The following BBS12 variants were observed in gnomAD, a reference collection of about 807,000 sequenced individuals.
The protein encoded by BBS12 is Bardet-Biedl syndrome 12.
In BBS12, 5 loss-of-function variants were observed where a neutral mutation model predicts 5.6. The ratio of observed to expected loss-of-function variants is 0.89; its 90% CI spans 0.46 to 1.86. The LOEUF (loss-of-function observed/expected upper bound fraction) is 1.86, where lower values mean the gene tolerates loss of function less well. BBS12 is among the 40% of genes most tolerant of loss of function. BBS12 has a pLI of 0.01. For synonymous variants in BBS12, 308 were observed against 306.8 expected, an observed-to-expected ratio of 1.00 and a Z score of -0.04; for missense variants, 748 against 830.4, an observed-to-expected ratio of 0.90 and a Z score of 1.22.
chr4:122,742,612 A>G lies in BBS12; in HGVS notation c.720A>G (p.Thr240=). ...TCCACAGTAGGCATTTTAATAGGAC[A>G]GATAATACTGAAGGGGTAAGCAAAC... ...ILIHSRHFNR[T]DNTEGVSKPD... is the part of the protein sequence containing the mutation. Residue 240 remains threonine (T), a synonymous_variant, in exon 2 of 2, where the codon ACA becomes ACG. Coordinates refer to ENST00000314218, the MANE Select transcript of BBS12 (RefSeq NM_152618.3). 1.9e-6 allele frequency: 3 copies of G among 1,614,244 alleles called. No homozygotes were observed. The highest frequency in any genetic ancestry group is 2.5e-6 in the Non-Finnish European group (3 of 1,180,042).
Position 122,743,715 on chromosome 4 carries a change from ATTACTC to A in BBS12, c.1824_1829del (p.Asn608_Ser610delinsLys), listed in dbSNP as rs753804384. ...TCAACTCTCCTATATAACACTGCCAATTACTCATCAGAATTTGAAGCCAGCACATAC... is the reference window on the plus strand; with the variant it reads ...TCAACTCTCCTATATAACACTGCCAAATCAGAATTTGAAGCCAGCACATAC... On this transcript the variant is annotated inframe_deletion, in exon 2 of 2. Transcript: ENST00000314218. The A allele has an allele frequency of 6.2e-7, 1 of 1,614,218 alleles. No homozygotes were observed. Among genetic ancestry groups the A allele is most frequent in the Admixed American group, 1.7e-5 (1 of 60,022 alleles).
At chr4:122,740,354 A>T (rs1306374070) in intron 1 of BBS12, among the ~76,000 whole-genome samples, 3 of 152,218 alleles carry the variant, frequency 2.0e-5, no homozygotes, top group Non-Finnish European at 2.9e-5. Context: ...CTGGAACTGA[A>T]AGACTGACGA....
chr4:122,720,151 A>T, the BBS12 span, among the ~76,000 whole-genome samples: 2 of 152,336 alleles, frequency 1.3e-5, no homozygotes, highest in South Asian at 4.1e-4. Context: ...AGGGAGCTGA[A>T]AATAAAGATC....
At chr4:122,741,650 C>T (rs577247383) in intron 1 of BBS12, among the ~76,000 whole-genome samples, 2 of 152,118 alleles carry the variant, frequency 1.3e-5, no homozygotes, top group African/African-American at 4.8e-5. Context: ...CTTCTGGAAA[C>T]GTTGCCTACA....
At chr4:122,725,285 C>T in the BBS12 span, among the ~76,000 whole-genome samples, 2 of 151,902 alleles carry the variant, frequency 1.3e-5, no homozygotes, top group African/African-American at 4.8e-5. Flanking sequence ...TATGGAACCA[C>T]AAAAGAGCCC....
the BBS12 span, among the ~76,000 whole-genome samples, chr4:122,716,622 C>CATATGTATAT: frequency 2.2e-3 from 174 of 80,046 alleles, no homozygotes; most frequent in African/African-American, 0.012. Context: ...TGTATATGCA[C>CATATGTATAT]ATACACATAT....
At chr4:122,707,817 G>C in the BBS12 span, among the ~76,000 whole-genome samples, 1 of 152,060 alleles carries the variant, frequency 6.6e-6, no homozygotes, top group Non-Finnish European at 1.5e-5. Context: ...GAGAGAAGCA[G>C]GGGCAAGAGA....
chr4:122,719,442 T>G, the BBS12 span, among the ~76,000 whole-genome samples: 1 of 152,112 alleles, frequency 6.6e-6, no homozygotes, highest in Non-Finnish European at 1.5e-5. Context: ...TCACAATAAA[T>G]CTTGCTGCTG....
the BBS12 span, among the ~76,000 whole-genome samples, chr4:122,721,973 T>C: frequency 6.6e-6 from 1 of 152,148 alleles, no homozygotes; most frequent in African/African-American, 2.4e-5. Context: ...TGTTTTTAGA[T>C]CAAATTCTCT....
At chr4:122,714,185 C>T in the BBS12 span, among the ~76,000 whole-genome samples, 2 of 152,066 alleles carry the variant, frequency 1.3e-5, no homozygotes, top group Non-Finnish European at 2.9e-5. Context: ...AGATCTCATT[C>T]TCTCTCTCTT....
chr4:122,721,928 CT>C, the BBS12 span, among the ~76,000 whole-genome samples: 1 of 152,142 alleles, frequency 6.6e-6, no homozygotes, highest in Non-Finnish European at 1.5e-5. Context: ...TGTGGACATG[CT>C]TTAAAAACAG....
the BBS12 span, among the ~76,000 whole-genome samples, chr4:122,716,348 C>G: frequency 6.6e-6 from 1 of 151,864 alleles, no homozygotes; most frequent in Non-Finnish European, 1.5e-5. Context: ...CATTTTCACC[C>G]TCCCCAGAAT....
At chr4:122,727,426 A>G in the BBS12 span, among the ~76,000 whole-genome samples, 1 of 151,450 alleles carries the variant, frequency 6.6e-6, no homozygotes, top group African/African-American at 2.4e-5. Context: ...TTTTATTTTT[A>G]GTAGAGACAG....
At chr4:122,722,540 C>T in the BBS12 span, among the ~76,000 whole-genome samples, 13 of 152,254 alleles carry the variant, frequency 8.5e-5, no homozygotes, top group East Asian at 2.3e-3. Context: ...CATAATAGCT[C>T]TCCATTTATT....
chr4:122,717,402 T>A, the BBS12 span, among the ~76,000 whole-genome samples: 1 of 152,244 alleles, frequency 6.6e-6, no homozygotes, highest in African/African-American at 2.4e-5. Context: ...TTTCTTTTTT[T>A]TTAAGTGCTT....
At chr4:122,726,827 AT>A in the BBS12 span, among the ~76,000 whole-genome samples, 158 of 152,380 alleles carry the variant, frequency 1.0e-3, no homozygotes, top group Non-Finnish European at 1.6e-3. Context: ...ACTGGAGACT[AT>A]TATTCTAAGT....
chr4:122,703,827 T>G, the BBS12 span, among the ~76,000 whole-genome samples: 1 of 152,174 alleles, frequency 6.6e-6, no homozygotes, highest in Non-Finnish European at 1.5e-5. Flanking sequence ...ATTAATTAAT[T>G]TATTTATGCA....
chr4:122,730,631 A>G (rs191487974), upstream of BBS12: 1 of 152,452 alleles, frequency 6.6e-6, no homozygotes, highest in East Asian at 1.9e-4. Flanking sequence ...TTCATCAAGC[A>G]TTTCCTGTAA....
At chr4:122,717,652 C>G in the BBS12 span, among the ~76,000 whole-genome samples, 2 of 152,194 alleles carry the variant, frequency 1.3e-5, no homozygotes, top group Non-Finnish European at 2.9e-5. Flanking sequence ...ACCTCAGCCC[C>G]CTGAGTAGCT....
Sources: gnomAD v4.1 joint callset for allele counts (sites outside exome capture counted in the v4.1 genomes callset) on GRCh38, gnomAD v4.1.1 for gene constraint, MANE v1.5 for transcripts, NCBI Gene and HGNC (gene_info 2026-07-23, HGNC 2026-07-21) for gene names.